The following HUNK variants were observed in gnomAD, a reference collection of about 807,000 sequenced individuals.
HUNK encodes hormonally up-regulated neu tumor-associated kinase.
A neutral mutation model predicts 61.0 loss-of-function variants in HUNK; 21 were observed. The ratio of observed to expected loss-of-function variants is 0.34; its 90% confidence interval spans 0.24 to 0.50. The LOEUF (loss-of-function observed/expected upper bound fraction) is 0.50. Among genes scored for constraint, HUNK ranks in the 20% least tolerant of loss-of-function variants. HUNK has a pLI of 0.98. For synonymous variants in HUNK, 371 were observed against 386.1 expected (o/e 0.96, Z 0.46); for missense variants, 772 against 945.7 (o/e 0.82, Z 2.41).
At position 32,003,513 on chromosome 21, in the gene HUNK, GTATT is replaced by G. The variant is rs2053259494; in HGVS notation, c.*4335_*4338del. On this transcript the variant is annotated 3_prime_UTR_variant, in exon 11 of 11. Coordinates refer to ENST00000270112, the MANE Select transcript of HUNK (RefSeq NM_014586.2). ...GGAGTCTGGAAGCCTGTTGGTTAGT[GTATT>G]TATTTTCTTTGTGGGGTCTTCTGTG... 6.6e-6 allele frequency: 1 copy of G among 152,200 alleles called. No homozygotes were observed. The highest frequency in any genetic ancestry group is 1.5e-5 in the Non-Finnish European group (1 of 68,048). 9.4% of individuals were successfully genotyped at this position (152,200 alleles called of 1,614,324 possible).
chr21:31,932,911 CTTTTTTT>C (rs779361324), intron 2 of HUNK, among the ~76,000 whole-genome samples: 1 of 130,628 alleles, frequency 7.7e-6, no homozygotes, highest in Admixed American at 7.8e-5. Flanking sequence ...TGCCTTCTTC[CTTTTTTT>C]TTTTTTTTTT....
At chr21:31,987,497 G>A (rs1229870659) in intron 8 of HUNK, among the ~76,000 whole-genome samples, 1 of 152,234 alleles carries the variant, frequency 6.6e-6, no homozygotes, top group Admixed American at 6.5e-5. Context: ...GTGTGTGTCG[G>A]AAGGGGCCAG....
chr21:31,903,223 C>G (rs1306023354), intron 1 of HUNK, among the ~76,000 whole-genome samples: 4 of 152,010 alleles, frequency 2.6e-5, no homozygotes, highest in Non-Finnish European at 5.9e-5. Flanking sequence ...ACAGCTACCC[C>G]TCCACCACAA....
At position 32,002,262 on chromosome 21, in the gene HUNK, T is replaced by C. The variant is rs1033336813; in HGVS notation, c.*3078T>C. The C allele has an allele frequency of 6.6e-6, 1 of 152,202 alleles. No homozygotes were observed. Among genetic ancestry groups the C allele is most frequent in the Non-Finnish European group, 1.5e-5 (1 of 68,064 alleles). The allele number at this position is 152,202 out of a possible 1,614,324, so 9.4% of individuals were successfully genotyped here. A position where few individuals can be genotyped will look rare whatever the true frequency, so the allele number is the denominator to read the frequency against. ...ACCACAATGCCTAGCTAATTTTTTT[T>C]GTATTTTGTAGAAATGGGGTTTCGC... On this transcript the variant is annotated 3_prime_UTR_variant, in exon 11 of 11. Transcript: ENST00000270112.
chr21:31,961,500 T>C (rs1286422051), intron 5 of HUNK, among the ~76,000 whole-genome samples: 3 of 152,204 alleles, frequency 2.0e-5, no homozygotes, highest in African/African-American at 7.2e-5. Context: ...GGCTGGACCA[T>C]TTTGCATTCC....
At chr21:31,892,209 A>AGT (rs1302324059) in intron 1 of HUNK, among the ~76,000 whole-genome samples, 2,775 of 114,088 alleles carry the variant, frequency 0.024, 32 homozygotes, top group Middle Eastern at 0.048. Context: ...AGAGAGAGAG[A>AGT]GTGTGTGTGT....
chr21:31,913,439 G>C (rs1010551447), intron 1 of HUNK, among the ~76,000 whole-genome samples: 1 of 151,926 alleles, frequency 6.6e-6, no homozygotes, highest in African/African-American at 2.4e-5. Flanking sequence ...GAGGGAAATT[G>C]TCCAAGGTGG....
intron 2 of HUNK, among the ~76,000 whole-genome samples, chr21:31,932,177 C>T (rs956091679): frequency 9.2e-5 from 14 of 152,206 alleles, no homozygotes; most frequent in Admixed American, 8.5e-4. Flanking sequence ...CTTACACACT[C>T]GGGCGTAAAC....
chr21:31,998,824 C>T lies in HUNK; in HGVS notation c.1785C>T (p.Ser595=), dbSNP rs531214638. The T allele has an allele frequency of 4.3e-5, 69 of 1,614,152 alleles. No individual in the cohort carries two copies. The South Asian group carries it at 6.4e-4, about 15-fold the overall frequency. Residue 595 remains serine (S), a synonymous_variant, in exon 11 of 11, where the codon AGC becomes AGT. Coordinates refer to ENST00000270112, the MANE Select transcript of HUNK (RefSeq NM_014586.2). ...TCAGCTTGGCTCGCAGAAATTCCAG[C>T]GAGAGGACGCTGTCCCCGGGTCTGC... ...SPVSLARRNS[S]ERTLSPGLPS...
At chr21:31,928,982 G>A (rs1337422849) in intron 2 of HUNK, among the ~76,000 whole-genome samples, 3 of 152,106 alleles carry the variant, frequency 2.0e-5, no homozygotes, top group African/African-American at 7.2e-5. Context: ...TGATGCAAAA[G>A]GATGCAGGAT....
At chr21:31,881,753 G>C (rs1198488211) in intron 1 of HUNK, among the ~76,000 whole-genome samples, 1 of 152,160 alleles carries the variant, frequency 6.6e-6, no homozygotes, top group African/African-American at 2.4e-5. Flanking sequence ...CCATGAACCA[G>C]CTTCTCTTCA....
At position 31,946,080 on chromosome 21, in the gene HUNK, C is replaced by G. The variant is rs751597883; in HGVS notation, c.655C>G (p.Pro219Ala). 16 of 1,612,482 alleles carry G rather than the reference C, an allele frequency of 9.9e-6. No individual in the cohort carries two copies. In the South Asian group the frequency reaches 1.8e-4, roughly 18 times the overall value. ...NCAGILGYSDPFSTQCGSPAY... is the reference protein window; with the variant it reads ...NCAGILGYSDAFSTQCGSPAY... ...CGCAGGGATCCTGGGTTACTCGGAT[C>G]CGTTCAGCACACAGTGTGGCAGCCC... Residue 219 changes from proline (P) to alanine (A), a missense_variant, in exon 4 of 11, where the codon CCG becomes GCG. Pro to Ala is a conservative substitution (Grantham distance 27). Around this residue, in one of 2 missense-constraint regions of HUNK, gnomAD observed 359 missense variants for 501.3 expected, o/e 0.72. Transcript: ENST00000270112.
At chr21:31,942,034 C>G (rs1245720161) in intron 3 of HUNK, among the ~76,000 whole-genome samples, 1 of 152,150 alleles carries the variant, frequency 6.6e-6, no homozygotes, top group Non-Finnish European at 1.5e-5. Flanking sequence ...ACATGTGAAA[C>G]CCCCGTCTCT....
intron 1 of HUNK, among the ~76,000 whole-genome samples, chr21:31,913,857 C>T (rs113434832): frequency 8.6e-5 from 13 of 151,874 alleles, no homozygotes; most frequent in African/African-American, 1.2e-4. Context: ...GAGTAGCCTC[C>T]GGGTGCCAGG....
rs1241365252 is a variant in HUNK at position 31,999,335 on chromosome 21, C to T, written c.*151C>T. 1.4e-6 allele frequency: 1 copy of T among 711,960 alleles called. No homozygotes were observed. The highest frequency in any genetic ancestry group is 1.8e-5 in the African/African-American group (1 of 56,044). The allele number at this position is 711,960 out of a possible 1,614,324, so 44.1% of individuals were successfully genotyped here. A position where few individuals can be genotyped will look rare whatever the true frequency, so the allele number is the denominator to read the frequency against. ...CCACAGACCCAAAGCCTGCACAACC[C>T]AACCTCGCTTAGGGACCCCCAGAGA... On this transcript the variant is annotated 3_prime_UTR_variant, in exon 11 of 11. Coordinates refer to ENST00000270112, the MANE Select transcript of HUNK (RefSeq NM_014586.2).
chr21:31,975,473 C>T (rs2053042280), intron 7 of HUNK, among the ~76,000 whole-genome samples: 1 of 152,214 alleles, frequency 6.6e-6, no homozygotes, highest in African/African-American at 2.4e-5. Context: ...TGCTTTTACT[C>T]AGAATGGTGG....
In HUNK at chr21:31,892,162, A is replaced by AAT. The variant is rs1170452661; in HGVS notation, c.261+18245_261+18246dup. On this transcript the variant is annotated intron_variant, in intron 1 of 10. Transcript: ENST00000270112. ...GAGAATTTGGTTAAAAAAAAAAAAAAATATATATATATATATATAGAGAGA... is the reference window on the plus strand; with the variant it reads ...GAGAATTTGGTTAAAAAAAAAAAAAAATATATATATATATATATATAGAGAGA... Among the ~76,000 whole-genome samples, 496 of 113,954 alleles carry AAT rather than the reference A, an allele frequency of 4.4e-3. 4 individuals carry two copies. The highest frequency in any genetic ancestry group is 0.012 in the African/African-American group (336 of 28,696). 74.8% of individuals were successfully genotyped at this position (113,954 alleles called of 152,430 possible). A position where few individuals can be genotyped will look rare whatever the true frequency, so the allele number is the denominator to read the frequency against.
intron 1 of HUNK, among the ~76,000 whole-genome samples, chr21:31,895,557 A>G (rs1030787365): frequency 6.6e-6 from 1 of 152,150 alleles, no homozygotes; most frequent in African/African-American, 2.4e-5. Flanking sequence ...TCTATGTGTA[A>G]TGGGAGAGGC....
rs1166382125 is a variant in HUNK at position 32,001,392 on chromosome 21, C to T, written c.*2208C>T. ...AGACGGTTTCCAGCTGCAACGGCTC[C>T]ACTTTGCAGGCTTGCAGGGTGTATA... On this transcript the variant is annotated 3_prime_UTR_variant, in exon 11 of 11. Coordinates refer to ENST00000270112, the MANE Select transcript of HUNK (RefSeq NM_014586.2). The T allele has an allele frequency of 2.0e-5, 3 of 152,226 alleles. No homozygotes were observed. The highest frequency in any genetic ancestry group is 4.4e-5 in the Non-Finnish European group (3 of 68,042). 9.4% of individuals were successfully genotyped at this position (152,226 alleles called of 1,614,324 possible). A position where few individuals can be genotyped will look rare whatever the true frequency, so the allele number is the denominator to read the frequency against.
Sources: allele counts gnomAD v4.1 joint callset (sites outside exome capture counted in the v4.1 genomes callset), GRCh38; gene constraint gnomAD v4.1.1; regional missense constraint gnomAD v4.1.1; transcripts MANE v1.5; gene names NCBI Gene and HGNC (gene_info 2026-07-23, HGNC 2026-07-21).